LRMDA: variants seen among roughly 807,000 people sequenced by gnomAD.
LRMDA encodes the protein leucine rich melanocyte differentiation associated.
A neutral mutation model predicts 29.8 loss-of-function variants in LRMDA; 18 were observed. The ratio of observed to expected loss-of-function variants is 0.60; its 90% CI spans 0.42 to 0.90. The LOEUF is 0.90. Among genes scored for constraint, LRMDA ranks in the 40% least tolerant of loss-of-function variants. The pLI is 0.00. For missense variants in LRMDA, 273 were observed against 273.9 expected, an observed-to-expected ratio of 1.00 and a Z score of 0.02; for synonymous variants, 125 against 109.4, an observed-to-expected ratio of 1.14 and a Z score of -0.89.
chr10:75,653,342 T>G (rs1022239240), intron 2 of LRMDA, among the ~76,000 whole-genome samples: 2 of 152,196 alleles, frequency 1.3e-5, no homozygotes, highest in African/African-American at 2.4e-5. Flanking sequence ...CTGCTAATTG[T>G]CACTTCGAGG....
At chr10:76,507,007 TCTA>T (rs1415602058) in intron 6 of LRMDA, among the ~76,000 whole-genome samples, 1 of 152,052 alleles carries the variant, frequency 6.6e-6, no homozygotes, top group African/African-American at 2.4e-5. Flanking sequence ...ATATGGTAGT[TCTA>T]CTGTTTATAA....
intron 2 of LRMDA, among the ~76,000 whole-genome samples, chr10:75,655,667 G>C (rs550474439): frequency 2.0e-5 from 3 of 152,322 alleles, no homozygotes; most frequent in South Asian, 4.1e-4. Context: ...TCTGTGGAGA[G>C]AGGCAGTATG....
intron 5 of LRMDA, among the ~76,000 whole-genome samples, chr10:76,268,989 G>A (rs1164203378): frequency 1.3e-5 from 2 of 152,098 alleles, no homozygotes; most frequent in African/African-American, 4.8e-5. Flanking sequence ...TTACATTTTT[G>A]CATTCCAAAG....
chr10:75,433,550 G>T (rs1448296009), intron 1 of LRMDA, among the ~76,000 whole-genome samples: 2 of 151,896 alleles, frequency 1.3e-5, no homozygotes, highest in Non-Finnish European at 2.9e-5. Flanking sequence ...TTTTTTGTTT[G>T]TTTGTTTGTT....
At chr10:75,670,946 C>T (rs1841884013) in intron 2 of LRMDA, among the ~76,000 whole-genome samples, 1 of 152,102 alleles carries the variant, frequency 6.6e-6, no homozygotes, top group African/African-American at 2.4e-5. Context: ...GATCTCTCTT[C>T]TTCCCTAGAG....
intron 6 of LRMDA, among the ~76,000 whole-genome samples, chr10:76,382,841 G>A (rs958402080): frequency 1.3e-5 from 2 of 152,180 alleles, no homozygotes; most frequent in Admixed American, 6.5e-5. Context: ...TGAAAGAGCT[G>A]CCATCTTCAT....
intron 2 of LRMDA, among the ~76,000 whole-genome samples, chr10:75,693,577 C>G (rs191943018): frequency 5.3e-5 from 8 of 152,206 alleles, no homozygotes; most frequent in Admixed American, 4.6e-4. Flanking sequence ...AATCTATCTA[C>G]GACAAGATTT....
intron 2 of LRMDA, among the ~76,000 whole-genome samples, chr10:75,998,401 A>G (rs909618830): frequency 1.3e-5 from 2 of 152,036 alleles, no homozygotes; most frequent in African/African-American, 2.4e-5. Flanking sequence ...GGGTACCTCT[A>G]TCCTGGCCCT....
At chr10:75,558,163 T>TC (rs1840240326) in intron 2 of LRMDA, among the ~76,000 whole-genome samples, 4 of 151,888 alleles carry the variant, frequency 2.6e-5, no homozygotes, top group African/African-American at 9.7e-5. Flanking sequence ...TGATTTTTTT[T>TC]TTTTTTTTTT....
rs1255830929 is a variant in LRMDA, at chr10:75,471,218, G to T, written c.131+32724G>T. Among the ~76,000 whole-genome samples, 3 of 152,028 alleles carry T rather than the reference G, an allele frequency of 2.0e-5. No homozygotes were observed. In the East Asian group the frequency reaches 5.8e-4, roughly 29 times the overall value. On this transcript the variant is annotated intron_variant, in intron 2 of 6. Coordinates refer to ENST00000611255, the MANE Select transcript of LRMDA (RefSeq NM_001305581.2). ...TAATTCAGCTTTTTTTCTGGCGGGG[G>T]GGTGGGGTGTGAGTGGGGTGTGGTT...
chr10:76,258,508 A>G (rs1186793249), intron 5 of LRMDA, among the ~76,000 whole-genome samples: 1 of 152,128 alleles, frequency 6.6e-6, no homozygotes, highest in Non-Finnish European at 1.5e-5. Flanking sequence ...ATAATATATT[A>G]TTGTTAACTG....
At chr10:76,242,763 G>A (rs1388868494) in intron 5 of LRMDA, among the ~76,000 whole-genome samples, 1 of 152,122 alleles carries the variant, frequency 6.6e-6, no homozygotes, top group Non-Finnish European at 1.5e-5. Flanking sequence ...TATCTTTCTG[G>A]GGGATACAAC....
At chr10:75,721,422 C>G (rs1174731787) in intron 2 of LRMDA, among the ~76,000 whole-genome samples, 1 of 152,146 alleles carries the variant, frequency 6.6e-6, no homozygotes, top group Non-Finnish European at 1.5e-5. Flanking sequence ...AGGTGCCCAA[C>G]TTAAGATTTA....
At chr10:75,542,948 C>T (rs1040227649) in intron 2 of LRMDA, among the ~76,000 whole-genome samples, 3 of 152,112 alleles carry the variant, frequency 2.0e-5, no homozygotes, top group African/African-American at 7.2e-5. Flanking sequence ...TTAATGACAC[C>T]GAGGAGTGAC....
intron 2 of LRMDA, among the ~76,000 whole-genome samples, chr10:75,726,815 G>A (rs1842636606): frequency 6.6e-6 from 1 of 152,190 alleles, no homozygotes; most frequent in African/African-American, 2.4e-5. Flanking sequence ...GACATCCTCA[G>A]TCCCTGCCCA....
At chr10:76,240,491 T>C (rs1852253547) in intron 5 of LRMDA, among the ~76,000 whole-genome samples, 1 of 148,782 alleles carries the variant, frequency 6.7e-6, no homozygotes, top group East Asian at 1.9e-4. Context: ...TATGTTGGCA[T>C]GGATGTGGTG....
At chr10:75,977,644 C>T (rs895074445) in intron 2 of LRMDA, among the ~76,000 whole-genome samples, 1 of 152,148 alleles carries the variant, frequency 6.6e-6, no homozygotes, top group African/African-American at 2.4e-5. Flanking sequence ...TGCTAGGGCC[C>T]CCAGGGTGAT....
At chr10:75,943,437 C>A (rs1195967943) in intron 2 of LRMDA, among the ~76,000 whole-genome samples, 1 of 152,110 alleles carries the variant, frequency 6.6e-6, no homozygotes, top group Non-Finnish European at 1.5e-5. Context: ...AGGTACACAG[C>A]CAGAAATAAT....
At chr10:76,425,113 C>T (rs1377949795) in intron 6 of LRMDA, among the ~76,000 whole-genome samples, 6 of 152,130 alleles carry the variant, frequency 3.9e-5, no homozygotes, top group Non-Finnish European at 7.4e-5. Context: ...ATAGCCAATC[C>T]AAAATTTTGG....
Sources: gnomAD v4.1 joint callset for allele counts (sites outside exome capture counted in the v4.1 genomes callset) on GRCh38, gnomAD v4.1.1 for gene constraint, MANE v1.5 for transcripts, NCBI Gene and HGNC (gene_info 2026-07-23, HGNC 2026-07-21) for gene names.